The following HS6ST3 variants were observed in gnomAD, a reference collection of about 807,000 sequenced individuals.
HS6ST3 encodes heparan sulfate 6-O-sulfotransferase 3.
Under a neutral mutation model 36.7 loss-of-function variants are expected in HS6ST3, and 12 were observed. The observed-to-expected ratio is 0.33, with a 90% CI of 0.21 to 0.53. HS6ST3 has a LOEUF of 0.53. Ranked by LOEUF, HS6ST3 falls within the 20% of genes least tolerant of loss-of-function variation. The probability of loss-of-function intolerance (pLI) is 0.95; values close to 1 mark genes in which losing one functional copy is unlikely to be tolerated. For missense variants in HS6ST3, 584 were observed against 640.9 expected (o/e 0.91, Z 0.96); for synonymous variants, 240 against 257.5 (o/e 0.93, Z 0.65).
At chr13:96,093,093 A>G (rs191790001) in intron 1 of HS6ST3, among the ~76,000 whole-genome samples, 20 of 152,190 alleles carry the variant, frequency 1.3e-4, no homozygotes, top group Admixed American at 9.2e-4. Context: ...CCAACCTTGT[A>G]CTCCCTGTTT....
At chr13:96,480,684 T>A (rs562593175) in intron 1 of HS6ST3, among the ~76,000 whole-genome samples, 27 of 152,306 alleles carry the variant, frequency 1.8e-4, no homozygotes, top group African/African-American at 6.5e-4. Context: ...CTCTCCACTG[T>A]GCTACTCCCT....
intron 1 of HS6ST3, among the ~76,000 whole-genome samples, chr13:96,519,338 T>C (rs2056084627): frequency 6.6e-6 from 1 of 152,234 alleles, no homozygotes; most frequent in Admixed American, 6.5e-5. Context: ...CTTCACTCAA[T>C]GACCTGTACA....
chr13:96,275,814 A>G (rs1025548423), intron 1 of HS6ST3, among the ~76,000 whole-genome samples: 3 of 151,098 alleles, frequency 2.0e-5, no homozygotes, highest in Non-Finnish European at 2.9e-5. Flanking sequence ...GTGAAATTAA[A>G]TAATCCAAAT....
At chr13:96,563,359 C>A (rs2056269593) in intron 1 of HS6ST3, among the ~76,000 whole-genome samples, 1 of 152,128 alleles carries the variant, frequency 6.6e-6, no homozygotes, top group South Asian at 2.1e-4. Flanking sequence ...CAGAGTAAAT[C>A]AAACCCCAAG....
At chr13:96,234,713 G>A (rs989725568) in intron 1 of HS6ST3, among the ~76,000 whole-genome samples, 2 of 152,180 alleles carry the variant, frequency 1.3e-5, no homozygotes, top group African/African-American at 2.4e-5. Flanking sequence ...ATATCCTTCC[G>A]ATGATACGTG....
chr13:96,526,513 T>G (rs565468782), intron 1 of HS6ST3, among the ~76,000 whole-genome samples: 1 of 152,300 alleles, frequency 6.6e-6, no homozygotes, highest in African/African-American at 2.4e-5. Flanking sequence ...GAGGTATCAG[T>G]GAAGATTCTC....
At chr13:96,632,544 G>C (rs947852013) in intron 1 of HS6ST3, among the ~76,000 whole-genome samples, 3 of 152,102 alleles carry the variant, frequency 2.0e-5, no homozygotes, top group African/African-American at 7.2e-5. Flanking sequence ...TTTAAATGCT[G>C]TTGCAGAGAA....
intron 1 of HS6ST3, among the ~76,000 whole-genome samples, chr13:96,158,886 C>G (rs1282486469): frequency 6.6e-6 from 1 of 151,854 alleles, no homozygotes; most frequent in Non-Finnish European, 1.5e-5. Flanking sequence ...GTCGGGAGAG[C>G]AAGAGCCAGG....
chr13:96,162,636 A>C (rs191062268), intron 1 of HS6ST3, among the ~76,000 whole-genome samples: 9 of 152,336 alleles, frequency 5.9e-5, no homozygotes, highest in Admixed American at 2.0e-4. Context: ...GGTGGTGTGA[A>C]GAATTCTATT....
chr13:96,444,590 A>G (rs2055689325), intron 1 of HS6ST3, among the ~76,000 whole-genome samples: 1 of 152,194 alleles, frequency 6.6e-6, no homozygotes, highest in South Asian at 2.1e-4. Flanking sequence ...TGGAACACCA[A>G]TGGGATTGTG....
At chr13:96,134,556 A>C (rs567043411) in intron 1 of HS6ST3, among the ~76,000 whole-genome samples, 1 of 152,094 alleles carries the variant, frequency 6.6e-6, no homozygotes, top group South Asian at 2.1e-4. Flanking sequence ...TTTACTAGCT[A>C]TTTGCATTGT....
intron 1 of HS6ST3, among the ~76,000 whole-genome samples, chr13:96,546,830 A>G (rs913313925): frequency 5.9e-5 from 9 of 152,178 alleles, no homozygotes; most frequent in African/African-American, 1.7e-4. Flanking sequence ...CCAAGTCACA[A>G]TGGGCATTTA....
At chr13:96,733,569 C>T (rs1211386019) in intron 1 of HS6ST3, among the ~76,000 whole-genome samples, 4 of 152,072 alleles carry the variant, frequency 2.6e-5, no homozygotes, top group South Asian at 2.1e-4. Flanking sequence ...AATCAAGACA[C>T]GTAAACATGA....
chr13:96,456,650 A>C (rs2055755893), intron 1 of HS6ST3, among the ~76,000 whole-genome samples: 1 of 152,148 alleles, frequency 6.6e-6, no homozygotes, highest in Non-Finnish European at 1.5e-5. Context: ...TAGCTGAGAA[A>C]GTGATCTAAT....
At chr13:96,759,642 T>TAATTTTATATTATAATTTATA (rs1876918698) in intron 1 of HS6ST3, among the ~76,000 whole-genome samples, 4 of 151,970 alleles carry the variant, frequency 2.6e-5, no homozygotes, top group Non-Finnish European at 4.4e-5. Flanking sequence ...TATAATGCTA[T>TAATTTTATATTATAATTTATA]AATTTATAAA....
intron 1 of HS6ST3, among the ~76,000 whole-genome samples, chr13:96,242,115 G>C (rs2054563645): frequency 6.6e-6 from 1 of 151,918 alleles, no homozygotes; most frequent in Admixed American, 6.6e-5. Flanking sequence ...TTAAAGAAGT[G>C]GGGGCCGGGC....
chr13:96,201,551 A>G (rs1392528795), intron 1 of HS6ST3, among the ~76,000 whole-genome samples: 1 of 152,238 alleles, frequency 6.6e-6, no homozygotes, highest in East Asian at 1.9e-4. Flanking sequence ...GATTCCTTCC[A>G]GTGCTCAAGG....
At chr13:96,348,310 C>T (rs1008350045) in intron 1 of HS6ST3, among the ~76,000 whole-genome samples, 2 of 152,118 alleles carry the variant, frequency 1.3e-5, no homozygotes, top group Admixed American at 6.6e-5. Flanking sequence ...AAGTTGAGGA[C>T]CTATTATTGT....
rs1405620960 is a variant in HS6ST3 at position 96,112,596 on chromosome 13, T to A, written c.707+21027T>A. Among the ~76,000 whole-genome samples, 2 of 77,540 alleles carry A rather than the reference T, an allele frequency of 2.6e-5. 1 individual carries two copies. The highest frequency in any genetic ancestry group is 1.1e-4 in the African/African-American group (2 of 18,738). 50.9% of individuals were successfully genotyped at this position (77,540 alleles called of 152,430 possible). A position where few individuals can be genotyped will look rare whatever the true frequency, so the allele number is the denominator to read the frequency against. On this transcript the variant is annotated intron_variant, in intron 1 of 1. Transcript: ENST00000376705. ...ATAAATAAATATATATATATATATATATATATATATATATATATATATATA... is the reference window on the plus strand; with the variant it reads ...ATAAATAAATATATATATATATATAAATATATATATATATATATATATATA...
Sources: allele counts gnomAD v4.1 joint callset (sites outside exome capture counted in the v4.1 genomes callset), GRCh38; gene constraint gnomAD v4.1.1; transcripts MANE v1.5; gene names NCBI Gene and HGNC (gene_info 2026-07-23, HGNC 2026-07-21).